The following MSRB3 variants were observed in gnomAD, a reference collection of about 807,000 sequenced individuals.
MSRB3 encodes the protein methionine-R-sulfoxide reductase B3.
Under a neutral mutation model 21.0 loss-of-function variants are expected in MSRB3, and 13 were observed. The ratio of observed to expected loss-of-function variants is 0.62; its 90% confidence interval spans 0.40 to 0.98. MSRB3 has a LOEUF of 0.98. Ranked by LOEUF, MSRB3 falls within the 50% of genes least tolerant of loss-of-function variation. The pLI is 0.00. For missense variants in MSRB3, 199 were observed against 230.3 expected, an observed-to-expected ratio of 0.86 and a Z score of 0.88; for synonymous variants, 87 against 88.6, an observed-to-expected ratio of 0.98 and a Z score of 0.10.
chr12:65,307,285 C>A (rs1873710931), intron 1 of MSRB3, among the ~76,000 whole-genome samples: 1 of 152,052 alleles, frequency 6.6e-6, no homozygotes, highest in Non-Finnish European at 1.5e-5. Context: ...CAGTTAGTAA[C>A]ACAAAAATGT....
chr12:65,391,694 G>A (rs566213092), intron 5 of MSRB3, among the ~76,000 whole-genome samples: 1 of 152,168 alleles, frequency 6.6e-6, no homozygotes, highest in South Asian at 2.1e-4. Context: ...TTTTACTATA[G>A]AAACAACATA....
In MSRB3 at chr12:65,463,754, A is replaced by G; in HGVS notation, c.*432A>G. On this transcript the variant is annotated 3_prime_UTR_variant, in exon 7 of 7. Transcript: ENST00000308259. ...AGACACATGGCCTTGAGGCCTTTGCACAGACCCACCTAAGATAAGGTTGGA... is the reference window on the plus strand; with the variant it reads ...AGACACATGGCCTTGAGGCCTTTGCGCAGACCCACCTAAGATAAGGTTGGA... 5.5e-6 allele frequency: 1 copy of G among 183,274 alleles called. No individual in the cohort carries two copies. The highest frequency in any genetic ancestry group is 1.5e-4 in the East Asian group (1 of 6,580). 11.4% of individuals were successfully genotyped at this position (183,274 alleles called of 1,614,324 possible).
intron 5 of MSRB3, among the ~76,000 whole-genome samples, chr12:65,401,361 G>A (rs938082473): frequency 6.6e-6 from 1 of 152,196 alleles, no homozygotes; most frequent in Non-Finnish European, 1.5e-5. Context: ...TTACGATTAT[G>A]TAATGCCCTT....
chr12:65,356,301 A>G (rs1877380951), intron 4 of MSRB3, among the ~76,000 whole-genome samples: 2 of 151,946 alleles, frequency 1.3e-5, no homozygotes, highest in African/African-American at 4.8e-5. Flanking sequence ...TCACCAAGAA[A>G]GTAGCAAATG....
At chr12:65,345,056 T>C (rs1771886647) in intron 4 of MSRB3, among the ~76,000 whole-genome samples, 1 of 152,014 alleles carries the variant, frequency 6.6e-6, no homozygotes, top group Non-Finnish European at 1.5e-5. Context: ...ACAATAGGCA[T>C]GGAGAGCTGA....
At chr12:65,415,939 G>A (rs901289842) in intron 5 of MSRB3, among the ~76,000 whole-genome samples, 3 of 152,112 alleles carry the variant, frequency 2.0e-5, no homozygotes, top group Admixed American at 2.0e-4. Flanking sequence ...TTGCATCCCT[G>A]GCCACCAGAT....
intron 2 of MSRB3, among the ~76,000 whole-genome samples, chr12:65,326,290 A>C (rs1266277075): frequency 1.3e-5 from 2 of 152,184 alleles, no homozygotes; most frequent in African/African-American, 4.8e-5. Context: ...GGAATCATGG[A>C]GAACAGTAAT....
chr12:65,325,616 T>C (rs568529695), intron 2 of MSRB3, among the ~76,000 whole-genome samples: 2 of 152,242 alleles, frequency 1.3e-5, no homozygotes, highest in African/African-American at 4.8e-5. Context: ...ACTATGACAT[T>C]AGGTACCTTG....
chr12:65,313,145 G>A (rs1283715583), intron 2 of MSRB3, among the ~76,000 whole-genome samples: 3 of 152,086 alleles, frequency 2.0e-5, no homozygotes, highest in Non-Finnish European at 2.9e-5. Flanking sequence ...GAATAAGTAC[G>A]TAGTATACTT....
chr12:65,368,878 A>G (rs1020961645), intron 4 of MSRB3, 120 bp from the exon 5 acceptor site: 2 of 675,696 alleles, frequency 3.0e-6, no homozygotes, highest in Admixed American at 2.4e-5. Context: ...AACATTTTAG[A>G]AATATACACT....
At chr12:65,339,333 C>T (rs1875989545) in intron 4 of MSRB3, among the ~76,000 whole-genome samples, 2 of 152,204 alleles carry the variant, frequency 1.3e-5, no homozygotes, top group Admixed American at 6.5e-5. Context: ...TCCAGACATT[C>T]TCAAATATTC....
intron 2 of MSRB3, among the ~76,000 whole-genome samples, chr12:65,326,117 T>C (rs1187465601): frequency 6.6e-6 from 1 of 152,248 alleles, no homozygotes; most frequent in Non-Finnish European, 1.5e-5. Flanking sequence ...TTTCCCACTC[T>C]TTCTTTGGAA....
intron 5 of MSRB3, among the ~76,000 whole-genome samples, chr12:65,371,188 C>T (rs1405273263): frequency 1.3e-5 from 2 of 151,890 alleles, no homozygotes; most frequent in East Asian, 1.9e-4. Flanking sequence ...ATTAGCTGGG[C>T]GTGGTGGCAC....
rs1375602072 is a variant in MSRB3 at position 65,465,597 on chromosome 12, T to A, written c.*2275T>A. 1 of 152,114 alleles carries A rather than the reference T, an allele frequency of 6.6e-6. No homozygotes were observed. Among genetic ancestry groups the A allele is most frequent in the Non-Finnish European group, 1.5e-5 (1 of 68,022 alleles). 9.4% of individuals were successfully genotyped at this position (152,114 alleles called of 1,614,324 possible). A position where few individuals can be genotyped will look rare whatever the true frequency, so the allele number is the denominator to read the frequency against. ...TGACATCCCGGTGGACTCTTTATAGTCATGTACACTTGATTCCAGATGAGC... is the reference window on the plus strand; with the variant it reads ...TGACATCCCGGTGGACTCTTTATAGACATGTACACTTGATTCCAGATGAGC... On this transcript the variant is annotated 3_prime_UTR_variant, in exon 7 of 7. Transcript: ENST00000308259.
chr12:65,309,640 G>A (rs780259863), intron 2 of MSRB3, among the ~76,000 whole-genome samples: 4 of 152,212 alleles, frequency 2.6e-5, no homozygotes, highest in Non-Finnish European at 5.9e-5. Context: ...TTCTTTAGGA[G>A]AAGAAATGTT....
At chr12:65,438,215 C>T (rs1379769317) in intron 5 of MSRB3, among the ~76,000 whole-genome samples, 4 of 151,864 alleles carry the variant, frequency 2.6e-5, no homozygotes, top group Admixed American at 6.6e-5. Flanking sequence ...CATGATTTCC[C>T]ACCTAAACAA....
At chr12:65,454,142 C>T in intron 6 of MSRB3, 1 of 575,904 alleles carries the variant, frequency 1.7e-6, no homozygotes, top group South Asian at 2.0e-5. Flanking sequence ...TAAAACTTAG[C>T]AGGGCATGGT....
intron 4 of MSRB3, among the ~76,000 whole-genome samples, chr12:65,328,865 G>C (rs149402000): frequency 1.1e-3 from 168 of 152,314 alleles, no homozygotes; most frequent in Non-Finnish European, 2.2e-3. Context: ...GCTTAGCAGA[G>C]CTGTGAAAGA....
intron 2 of MSRB3, among the ~76,000 whole-genome samples, chr12:65,315,623 G>A (rs1874243957): frequency 7.1e-6 from 1 of 140,962 alleles, no homozygotes; most frequent in East Asian, 2.1e-4. Flanking sequence ...AGCCGGGATC[G>A]TATGATTGCA....
Sources: allele counts gnomAD v4.1 joint callset (sites outside exome capture counted in the v4.1 genomes callset), GRCh38; gene constraint gnomAD v4.1.1; transcripts MANE v1.5; gene names NCBI Gene and HGNC (gene_info 2026-07-23, HGNC 2026-07-21).